The following GASK1A variants were observed in gnomAD, a reference collection of about 807,000 sequenced individuals.
GASK1A encodes Golgi-associated kinase 1A.
In GASK1A, 40 loss-of-function variants were observed where a neutral mutation model predicts 41.2. The ratio of observed to expected loss-of-function variants is 0.97; its 90% CI spans 0.75 to 1.27. The LOEUF (loss-of-function observed/expected upper bound fraction) is 1.27, where lower values mean the gene tolerates loss of function less well. Ranked by LOEUF, GASK1A falls within the 50% of genes most tolerant of loss-of-function variation. The probability of loss-of-function intolerance (pLI) is 0.00; values close to 1 mark genes in which losing one functional copy is unlikely to be tolerated. For synonymous variants in GASK1A, 316 were observed against 307.1 expected (o/e 1.03, Z -0.30); for missense variants, 678 against 745.1 (o/e 0.91, Z 1.05).
chr3:42,981,342 C>A (rs546341823), intron 1 of GASK1A, among the ~76,000 whole-genome samples: 1 of 152,284 alleles, frequency 6.6e-6, no homozygotes, highest in African/African-American at 2.4e-5. Flanking sequence ...GGCAGCCTGG[C>A]ACTGGCTAGA....
chr3:42,995,609 G>A lies in GASK1A; in HGVS notation c.3+15964G>A, dbSNP rs150842900. Among the ~76,000 whole-genome samples, 457 of 152,272 alleles carry A rather than the reference G, an allele frequency of 3.0e-3. 2 individuals carry two copies. Among genetic ancestry groups the A allele is most frequent in the African/African-American group, 0.01 (435 of 41,552 alleles). On this transcript the variant is annotated intron_variant, in intron 1 of 4. Coordinates refer to ENST00000430121, the MANE Select transcript of GASK1A (RefSeq NM_001129908.3). ...TCTCTACCACCTCCTGGAGACTGGG[G>A]TGGATGTCCGGTGAAGAGCGAGGTG...
At chr3:43,017,521 T>G (rs1340867994) in intron 1 of GASK1A, among the ~76,000 whole-genome samples, 1 of 138,160 alleles carries the variant, frequency 7.2e-6, no homozygotes, top group African/African-American at 2.8e-5. Flanking sequence ...GAAGGGGCCC[T>G]GTGAAGCCAC....
rs1418184143 is a variant in GASK1A at position 42,984,110 on chromosome 3, A to C, written c.3+4465A>C. On this transcript the variant is annotated intron_variant, in intron 1 of 4. Transcript: ENST00000430121. This position sits in a 1 kb window ranked among gnomAD's most constrained non-coding sequence, Gnocchi z 4.2. The stretch of plus-strand genomic sequence containing the variant: ...GTCACCTGGGGCTGTCTTTGCTTGG[A>C]TCATCTTGTGATGTGACTGCTAAAG... 6.6e-6 allele frequency among the ~76,000 whole-genome samples: 1 copy of C among 151,898 alleles called. No homozygotes were observed. Among genetic ancestry groups the C allele is most frequent in the East Asian group, 1.9e-4 (1 of 5,170 alleles).
Position 43,057,147 on chromosome 3 carries a change from A to G in GASK1A, c.*761A>G, listed in dbSNP as rs918931091. Reference sequence around the variant, plus strand: ...CTGTATCAGCCATCTGAATTGACCCAATCTTTATTGGTGACTGCATGAAAT... The same window carrying G: ...CTGTATCAGCCATCTGAATTGACCCGATCTTTATTGGTGACTGCATGAAAT... On this transcript the variant is annotated 3_prime_UTR_variant, in exon 5 of 5. Transcript: ENST00000430121. The G allele has an allele frequency of 2.0e-5, 3 of 152,200 alleles. No homozygotes were observed. The highest frequency in any genetic ancestry group is 2.1e-4 in the South Asian group (1 of 4,838). 9.4% of individuals were successfully genotyped at this position (152,200 alleles called of 1,614,324 possible). A position where few individuals can be genotyped will look rare whatever the true frequency, so the allele number is the denominator to read the frequency against.
rs59266989 is a variant in GASK1A at position 43,031,396 on chromosome 3, G to T, written c.4-871G>T. Among the ~76,000 whole-genome samples, 1,368 of 152,266 alleles carry T rather than the reference G, an allele frequency of 9.0e-3. 15 individuals carry two copies. The highest frequency in any genetic ancestry group is 0.031 in the African/African-American group (1,290 of 41,538). On this transcript the variant is annotated intron_variant, in intron 1 of 4. Coordinates refer to ENST00000430121, the MANE Select transcript of GASK1A (RefSeq NM_001129908.3). ...CAGAGTACTTCTTAAAACACAGGCTGCCCAGCCCCTGTTTCTGATTCCGGA... is the reference window on the plus strand; with the variant it reads ...CAGAGTACTTCTTAAAACACAGGCTTCCCAGCCCCTGTTTCTGATTCCGGA...
Position 42,979,433 on chromosome 3 carries a change from G to A in GASK1A, c.-210G>A, listed in dbSNP as rs188861547. On this transcript the variant is annotated 5_prime_UTR_variant, in exon 1 of 5. Coordinates refer to ENST00000430121, the MANE Select transcript of GASK1A (RefSeq NM_001129908.3). Reference sequence around the variant, plus strand: ...GTATTCCCCACCCGCGGAGTATCCCGGTGTGCAGCGATCTCCCGAGAGTTG... The same window carrying A: ...GTATTCCCCACCCGCGGAGTATCCCAGTGTGCAGCGATCTCCCGAGAGTTG... 134 of 425,750 alleles carry A rather than the reference G, an allele frequency of 3.1e-4. 1 individual carries two copies. The East Asian group carries it at 4.8e-3, about 15-fold the overall frequency. The allele number at this position is 425,750 out of a possible 1,614,324, so 26.4% of individuals were successfully genotyped here.
At chr3:43,015,961 A>C (rs764770842) in intron 1 of GASK1A, among the ~76,000 whole-genome samples, 3 of 151,160 alleles carry the variant, frequency 2.0e-5, no homozygotes, top group Non-Finnish European at 4.4e-5. Context: ...GTCTGTGTGA[A>C]GCCACAGGAA....
intron 2 of GASK1A, among the ~76,000 whole-genome samples, chr3:43,049,892 T>C (rs477594): frequency 0.56 from 85,222 of 151,280 alleles, 24,474 homozygotes; most frequent in Admixed American, 0.65. Flanking sequence ...ATTTCAATAG[T>C]GTAAAAAGAC....
chr3:43,038,250 T>C (rs1350785379), intron 2 of GASK1A, among the ~76,000 whole-genome samples: 2 of 152,232 alleles, frequency 1.3e-5, no homozygotes, highest in African/African-American at 2.4e-5. Context: ...AACTTCTGCA[T>C]GGTTCGTAAT....
At chr3:43,035,528 C>T (rs1322606976) in intron 2 of GASK1A, among the ~76,000 whole-genome samples, 1 of 152,148 alleles carries the variant, frequency 6.6e-6, no homozygotes, top group Non-Finnish European at 1.5e-5. Flanking sequence ...AGGATTGGAG[C>T]CCAGTTATTC....
intron 1 of GASK1A, among the ~76,000 whole-genome samples, chr3:43,016,505 C>T (rs533026162): frequency 2.1e-5 from 3 of 140,438 alleles, no homozygotes; most frequent in South Asian, 2.4e-4. Flanking sequence ...CTTTGTGAAG[C>T]GTCAGGAAGG....
chr3:43,042,779 C>T (rs761042650), intron 2 of GASK1A, among the ~76,000 whole-genome samples: 3 of 152,184 alleles, frequency 2.0e-5, no homozygotes, highest in African/African-American at 7.2e-5. Context: ...TCCAGCTCCT[C>T]AAAGCCCATC....
At chr3:43,012,401 A>T (rs1335173353) in intron 1 of GASK1A, among the ~76,000 whole-genome samples, 1 of 150,504 alleles carries the variant, frequency 6.6e-6, no homozygotes, top group African/African-American at 2.5e-5. Flanking sequence ...AAGTAGGGGC[A>T]GGGTGAACTT....
Position 43,033,096 on chromosome 3 carries a change from T to C in GASK1A, c.833T>C (p.Val278Ala), listed in dbSNP as rs2125686869. ...MLRLLAQGEV[V>A]DKARVPAHGQ... ...CGTCTGTTGGCACAGGGGGAGGTGG[T>C]GGACAAAGCCAGGGTCCCCGCCCAT... The change falls in exon 2 of 5, where the codon GTG (valine) becomes GCG (alanine). Residue 278 changes from valine (V) to alanine (A), a missense_variant. Coordinates refer to ENST00000430121, the MANE Select transcript of GASK1A (RefSeq NM_001129908.3). 6.4e-7 allele frequency: 1 copy of C among 1,551,708 alleles called. No individual in the cohort carries two copies. Among genetic ancestry groups the C allele is most frequent in the East Asian group, 2.4e-5 (1 of 40,916 alleles).
chr3:43,037,348 C>T lies in GASK1A; in HGVS notation c.1290+3795C>T, dbSNP rs1306845651. 3 of 916,884 alleles carry T rather than the reference C, an allele frequency of 3.3e-6. No homozygotes were observed. The African/African-American group carries it at 4.9e-5, about 15-fold the overall frequency. The allele number at this position is 916,884 out of a possible 1,614,324, so 56.8% of individuals were successfully genotyped here. A position where few individuals can be genotyped will look rare whatever the true frequency, so the allele number is the denominator to read the frequency against. On this transcript the variant is annotated intron_variant, in intron 2 of 4. Coordinates refer to ENST00000430121, the MANE Select transcript of GASK1A (RefSeq NM_001129908.3). ...TCTGAAAGTGCCTTGAATAATGACT[C>T]TAAAATGTGCAATACAAATCCTCAT... is the stretch of plus-strand genomic sequence containing the variant.
intron 1 of GASK1A, among the ~76,000 whole-genome samples, chr3:42,996,829 C>T (rs1433855968): frequency 6.6e-6 from 1 of 152,230 alleles, no homozygotes; most frequent in Admixed American, 6.5e-5. Context: ...ATACTCAGTT[C>T]CTGGCTCAGC....
intron 4 of GASK1A, 22 bp from the exon 5 acceptor site, chr3:43,056,154 G>T (rs1018751835): frequency 1.3e-6 from 2 of 1,523,440 alleles, no homozygotes; most frequent in South Asian, 2.4e-5. Flanking sequence ...TCTGTTACGG[G>T]GCTCTGGGGC....
Position 43,033,312 on chromosome 3 carries a change from G to A in GASK1A, c.1049G>A (p.Arg350His), listed in dbSNP as rs746644564. The change falls in exon 2 of 5, where the codon CGC (arginine) becomes CAC (histidine). Residue 350 changes from arginine to histidine, a missense_variant. Coordinates refer to ENST00000430121, the MANE Select transcript of GASK1A (RefSeq NM_001129908.3). ...CGGAGCCTACCTGCTGTGGCCCGCCGCTTCCATAGCCCCCTCCTGCCCTAC... is the reference window on the plus strand; with the variant it reads ...CGGAGCCTACCTGCTGTGGCCCGCCACTTCCATAGCCCCCTCCTGCCCTAC... ...LRRSLPAVAR[R>H]FHSPLLPYRY... is the part of the protein sequence containing the mutation. 73 of 1,551,092 alleles carry A rather than the reference G, an allele frequency of 4.7e-5. No homozygotes were observed. The highest frequency in any genetic ancestry group is 4.1e-4 in the Admixed American group (21 of 50,984).
intron 2 of GASK1A, among the ~76,000 whole-genome samples, chr3:43,043,195 C>T (rs2089646467): frequency 6.6e-6 from 1 of 152,198 alleles, no homozygotes; most frequent in Non-Finnish European, 1.5e-5. Context: ...AGGTCCCAGG[C>T]CTGTGACTGC....
Sources: allele counts gnomAD v4.1 joint callset (sites outside exome capture counted in the v4.1 genomes callset), GRCh38; gene constraint gnomAD v4.1.1; non-coding constraint Gnocchi (gnomAD v3.1); transcripts MANE v1.5; gene names NCBI Gene and HGNC (gene_info 2026-07-23, HGNC 2026-07-21).